SVIL: variants seen among roughly 807,000 people sequenced by gnomAD.
The protein encoded by SVIL is supervillin.
Under a neutral mutation model 240.4 loss-of-function variants are expected in SVIL, and 101 were observed. That is an observed-to-expected ratio of 0.42 (90% CI 0.36 to 0.50). The LOEUF (loss-of-function observed/expected upper bound fraction) is 0.50, where lower values mean the gene tolerates loss of function less well. Among genes scored for constraint, SVIL ranks in the 20% least tolerant of loss-of-function variants. The pLI is 0.01. For missense variants in SVIL, 2,512 were observed against 2,818.7 expected, an observed-to-expected ratio of 0.89 and a Z score of 2.46; for synonymous variants, 999 against 1,100.0, an observed-to-expected ratio of 0.91 and a Z score of 1.82.
intron 16 of SVIL, among the ~76,000 whole-genome samples, chr10:29,521,067 C>T (rs970972487): frequency 1.3e-5 from 2 of 151,260 alleles, no homozygotes; most frequent in African/African-American, 4.9e-5. Context: ...ACTAAAAATA[C>T]AAAAAATTAG....
Position 29,617,259 on chromosome 10 carries a change from A to G in SVIL, c.-201+17161T>C, listed in dbSNP as rs1373845184. On this transcript the variant is annotated intron_variant, in intron 1 of 37. Transcript: ENST00000355867. ...ACTCCCATACATATAAATTATTAAT[A>G]ACATTTGTATTCTTTTCTGCTGTGA... 2.0e-5 allele frequency among the ~76,000 whole-genome samples: 3 copies of G among 152,206 alleles called. 1 individual carries two copies. Among genetic ancestry groups the G allele is most frequent in the Admixed American group, 2.0e-4 (3 of 15,288 alleles).
At chr10:29,726,573 C>A (rs1053611891) in intron 1 of SVIL, among the ~76,000 whole-genome samples, 1 of 151,962 alleles carries the variant, frequency 6.6e-6, no homozygotes, top group Non-Finnish European at 1.5e-5. Flanking sequence ...ATGATGAAAC[C>A]CCGCCTCTAC....
intron 2 of SVIL, among the ~76,000 whole-genome samples, chr10:29,681,539 C>T (rs549910689): frequency 6.6e-6 from 1 of 152,024 alleles, no homozygotes; most frequent in South Asian, 2.1e-4. Context: ...TTGACTGTCT[C>T]AAAAGTATCA....
chr10:29,462,420 C>T lies in SVIL; in HGVS notation c.6278-19G>A, dbSNP rs762334562. The T allele has an allele frequency of 6.2e-7, 1 of 1,613,084 alleles. No individual in the cohort carries two copies. The highest frequency in any genetic ancestry group is 1.3e-5 in the African/African-American group (1 of 75,022). ...TTTTTTCCTGTAGTTACACAGATTG[C>T]AATGTCAGTAGACCCCAGGGAGACC... On this transcript the variant is annotated intron_variant, in intron 35 of 37. Coordinates refer to ENST00000355867, the MANE Select transcript of SVIL (RefSeq NM_021738.3).
chr10:29,715,281 A>G (rs1414976576), intron 1 of SVIL, among the ~76,000 whole-genome samples: 1 of 151,922 alleles, frequency 6.6e-6, no homozygotes, highest in Non-Finnish European at 1.5e-5. Flanking sequence ...CACCCATTCC[A>G]TTTTCTTCAT....
At chr10:29,609,468 A>G (rs544546845) in intron 1 of SVIL, among the ~76,000 whole-genome samples, 5 of 152,338 alleles carry the variant, frequency 3.3e-5, no homozygotes, top group Admixed American at 3.3e-4. Flanking sequence ...GAGCTGTAAC[A>G]CAAATGGGCT....
chr10:29,501,648 C>T (rs1948908009), intron 17 of SVIL, among the ~76,000 whole-genome samples: 2 of 152,162 alleles, frequency 1.3e-5, no homozygotes, highest in African/African-American at 4.8e-5. Context: ...CGGCGAGAAG[C>T]CCCTAATTCC....
chr10:29,493,373 G>C lies in SVIL; in HGVS notation c.3860C>G (p.Thr1287Arg), dbSNP rs201829776. The change falls in exon 21 of 38, where the codon ACG (threonine) becomes AGG (arginine). Residue 1287 changes from threonine (T) to arginine (R), a missense_variant. Coordinates refer to ENST00000355867, the MANE Select transcript of SVIL (RefSeq NM_021738.3). ...LNNKVGGMHE[T>R]VLTVTGKSVK... ...AGATTTGCCGGTGACAGTGAGCACC[G>C]TTTCGTGCATCCCGCCAACTATCAA... The C allele has an allele frequency of 1.2e-6, 2 of 1,614,112 alleles. No individual in the cohort carries two copies. The highest frequency in any genetic ancestry group is 3.3e-5 in the Admixed American group (2 of 60,010).
At chr10:29,681,227 G>A (rs1274890781) in intron 2 of SVIL, among the ~76,000 whole-genome samples, 1 of 152,140 alleles carries the variant, frequency 6.6e-6, no homozygotes, top group Non-Finnish European at 1.5e-5. Context: ...ATGAGCCAAA[G>A]AGGATGGGCA....
intron 1 of SVIL, among the ~76,000 whole-genome samples, chr10:29,705,479 ATC>A (rs1962822390): frequency 4.0e-5 from 6 of 151,846 alleles, no homozygotes; most frequent in Admixed American, 3.3e-4. Context: ...CCCACTTCAA[ATC>A]TTTTTTTTTT....
At position 29,473,778 on chromosome 10, in the gene SVIL, C is replaced by T. The variant is rs994116288; in HGVS notation, c.5529+60G>A. 2.5e-5 allele frequency: 40 copies of T among 1,607,490 alleles called. No individual in the cohort carries two copies. The African/African-American group carries it at 3.2e-4, about 13-fold the overall frequency. The stretch of plus-strand genomic sequence containing the variant: ...TGGGAGGGACCAGGCCGAGTGCCAT[C>T]GGCTCCCAGGAGAGGATGCTCCTCT... On this transcript the variant is annotated intron_variant, in intron 30 of 37. Coordinates refer to ENST00000355867, the MANE Select transcript of SVIL (RefSeq NM_021738.3).
intron 2 of SVIL, among the ~76,000 whole-genome samples, chr10:29,674,757 T>G (rs1041969149): frequency 6.6e-6 from 1 of 152,174 alleles, no homozygotes; most frequent in African/African-American, 2.4e-5. Context: ...TGGCAGGGCC[T>G]CATTTCTGCT....
chr10:29,468,778 C>T (rs1945227326), intron 32 of SVIL: 1 of 152,076 alleles, frequency 6.6e-6, no homozygotes, highest in Admixed American at 6.6e-5. Context: ...TCTGCAGTCT[C>T]TAAGTGTGTG....
chr10:29,486,399 T>C lies in SVIL; in HGVS notation c.4633+11A>G, dbSNP rs1947406857. ...AGTCTCGTCAATCTCTGAAGTACAA[T>C]GAAGTCTTACATTGGTAACTGGTTT... On this transcript the variant is annotated intron_variant, in intron 25 of 37. Transcript: ENST00000355867. 1 of 1,613,772 alleles carries C rather than the reference T, an allele frequency of 6.2e-7. No homozygotes were observed. Among genetic ancestry groups the C allele is most frequent in the Admixed American group, 1.7e-5 (1 of 59,986 alleles).
At position 29,495,068 on chromosome 10, in the gene SVIL, G is replaced by A. The variant is rs778906467; in HGVS notation, c.3754+24C>T. ...CTCTTCTGATCAGAAACTGCTTGGC[G>A]TGGCCGGGGCCTTGGCGACTTACCT... On this transcript the variant is annotated intron_variant, in intron 19 of 37. Coordinates refer to ENST00000355867, the MANE Select transcript of SVIL (RefSeq NM_021738.3). The A allele has an allele frequency of 2.6e-5, 42 of 1,599,922 alleles. 1 individual carries two copies. Among genetic ancestry groups the A allele is most frequent in the African/African-American group, 1.7e-4 (12 of 68,946 alleles).
intron 1 of SVIL, among the ~76,000 whole-genome samples, chr10:29,699,998 C>T (rs1962382089): frequency 6.6e-6 from 1 of 152,152 alleles, no homozygotes; most frequent in Admixed American, 6.5e-5. Flanking sequence ...GAAAGGTTTC[C>T]AAACTCAGGA....
chr10:29,643,400 G>A (rs891544094), intron 3 of SVIL, among the ~76,000 whole-genome samples: 2 of 152,110 alleles, frequency 1.3e-5, no homozygotes, highest in Admixed American at 6.6e-5. Context: ...TTTCTGCCAC[G>A]ATGGAACCAG....
At chr10:29,639,182 C>A (rs575286275), upstream of SVIL, among the ~76,000 whole-genome samples, 1 of 151,584 alleles carries the variant, frequency 6.6e-6, no homozygotes, top group Non-Finnish European at 1.5e-5. Context: ...TTTTGTTTTT[C>A]TTTTTCTTGA....
chr10:29,613,358 G>A (rs2132881593), intron 1 of SVIL, among the ~76,000 whole-genome samples: 1 of 151,954 alleles, frequency 6.6e-6, no homozygotes, highest in Non-Finnish European at 1.5e-5. Context: ...TTTAGAGTGG[G>A]GTGTTGCTCT....
Sources: allele counts gnomAD v4.1 joint callset (sites outside exome capture counted in the v4.1 genomes callset), GRCh38; gene constraint gnomAD v4.1.1; transcripts MANE v1.5; gene names NCBI Gene and HGNC (gene_info 2026-07-23, HGNC 2026-07-21).